The following THEMIS variants were observed in gnomAD, a reference collection of about 807,000 sequenced individuals.
THEMIS encodes the protein thymocyte selection associated.
A neutral mutation model predicts 52.6 loss-of-function variants in THEMIS; 37 were observed. The observed-to-expected ratio is 0.70, with a 90% CI of 0.54 to 0.93. THEMIS has a LOEUF of 0.93. THEMIS is among the 40% of genes least tolerant of loss of function. The pLI is 0.00. For synonymous variants in THEMIS, 292 were observed against 272.7 expected, an observed-to-expected ratio of 1.07 and a Z score of -0.70; for missense variants, 808 against 763.1, an observed-to-expected ratio of 1.06 and a Z score of -0.69.
chr6:127,782,622 C>T (rs1263891414), intron 4 of THEMIS, among the ~76,000 whole-genome samples: 1 of 152,204 alleles, frequency 6.6e-6, no homozygotes, highest in Non-Finnish European at 1.5e-5. Context: ...CCTCCATGGG[C>T]TGCACCCACT....
At chr6:127,854,940 G>A in intron 2 of THEMIS, 90 bp downstream of exon 2, 1 of 1,172,158 alleles carries the variant, frequency 8.5e-7, no homozygotes, top group Non-Finnish European at 1.1e-6. Context: ...GTGAAAAACA[G>A]ACCATTTTTT....
At chr6:127,877,252 T>C (rs917851365) in intron 1 of THEMIS, among the ~76,000 whole-genome samples, 4 of 152,210 alleles carry the variant, frequency 2.6e-5, no homozygotes, top group African/African-American at 9.6e-5. Flanking sequence ...AAAACTTTCT[T>C]ATCAGCAATA....
At chr6:127,785,056 CTACT>C (rs1378778499) in intron 4 of THEMIS, among the ~76,000 whole-genome samples, 6 of 151,290 alleles carry the variant, frequency 4.0e-5, no homozygotes, top group Non-Finnish European at 5.9e-5. Flanking sequence ...ACCTACCTAC[CTACT>C]TATCTATCTA....
chr6:127,712,760 C>A (rs580388), intron 5 of THEMIS, among the ~76,000 whole-genome samples: 55,027 of 151,606 alleles, frequency 0.36, 11,772 homozygotes, highest in Non-Finnish European at 0.5. Context: ...AATAAGTGTC[C>A]TTCAATGGTC....
At chr6:127,699,790 C>T in the THEMIS span, among the ~76,000 whole-genome samples, 66 of 151,894 alleles carry the variant, frequency 4.3e-4, no homozygotes, top group Admixed American at 6.6e-4. Context: ...TACAACCATG[C>T]CTCCTCATAC....
intron 4 of THEMIS, among the ~76,000 whole-genome samples, chr6:127,760,816 A>G (rs375610229): frequency 6.6e-6 from 1 of 152,116 alleles, no homozygotes; most frequent in Non-Finnish European, 1.5e-5. Context: ...TCTTCTAGAC[A>G]TAAATGTAAG....
chr6:127,699,189 T>C, the THEMIS span, among the ~76,000 whole-genome samples: 92 of 151,956 alleles, frequency 6.1e-4, 1 homozygote, highest in East Asian at 0.016. Context: ...AAAGTGCCTA[T>C]GTGATCCACA....
chr6:127,859,089 C>A (rs552483688), intron 1 of THEMIS, among the ~76,000 whole-genome samples: 3 of 152,068 alleles, frequency 2.0e-5, no homozygotes, highest in African/African-American at 4.8e-5. Flanking sequence ...AAGTTAAAAA[C>A]GTGTGACAGT....
chr6:127,858,960 C>T (rs1779708508), intron 1 of THEMIS, among the ~76,000 whole-genome samples: 1 of 152,106 alleles, frequency 6.6e-6, no homozygotes, highest in South Asian at 2.1e-4. Context: ...ATAAAAACGA[C>T]ACATTAATAT....
intron 4 of THEMIS, among the ~76,000 whole-genome samples, chr6:127,767,938 A>G (rs1460067582): frequency 6.6e-6 from 1 of 152,132 alleles, no homozygotes; most frequent in Non-Finnish European, 1.5e-5. Context: ...AGACCACTGT[A>G]TATATGTGGT....
chr6:127,735,191 G>A (rs1360676613), intron 4 of THEMIS, among the ~76,000 whole-genome samples: 1 of 151,942 alleles, frequency 6.6e-6, no homozygotes, highest in Non-Finnish European at 1.5e-5. Context: ...GGAATAGACA[G>A]GGACTAAGGT....
intron 5 of THEMIS, among the ~76,000 whole-genome samples, chr6:127,710,238 A>G (rs1390732755): frequency 6.6e-6 from 1 of 151,870 alleles, no homozygotes; most frequent in African/African-American, 2.4e-5. Flanking sequence ...TGTATGAGGT[A>G]GGAGATAATA....
At chr6:127,788,442 A>C (rs1160782708) in intron 4 of THEMIS, among the ~76,000 whole-genome samples, 1 of 152,246 alleles carries the variant, frequency 6.6e-6, no homozygotes, top group Admixed American at 6.5e-5. Flanking sequence ...CTTATCCCAC[A>C]GGAAAAAATT....
At chr6:127,762,858 A>G (rs1204210715) in intron 4 of THEMIS, among the ~76,000 whole-genome samples, 1 of 152,054 alleles carries the variant, frequency 6.6e-6, no homozygotes, top group Non-Finnish European at 1.5e-5. Context: ...AAGTATTTCT[A>G]GGCTACATAC....
Position 127,709,718 on chromosome 6 carries a change from T to C in THEMIS, c.*267A>G. The C allele has an allele frequency of 3.1e-6, 1 of 318,854 alleles. No homozygotes were observed. Among genetic ancestry groups the C allele is most frequent in the South Asian group, 1.3e-4 (1 of 7,724 alleles). The allele number at this position is 318,854 out of a possible 1,614,324, so 19.8% of individuals were successfully genotyped here. ...TAGTAGAAATAAGAATCTGAAAAAA[T>C]GTGCAAGTTAAATAAATACGTCCTA... On this transcript the variant is annotated 3_prime_UTR_variant, in exon 6 of 6. Coordinates refer to ENST00000368248, the MANE Select transcript of THEMIS (RefSeq NM_001010923.3).
At chr6:127,773,058 C>T (rs1349130247) in intron 4 of THEMIS, among the ~76,000 whole-genome samples, 2 of 152,096 alleles carry the variant, frequency 1.3e-5, no homozygotes, top group Admixed American at 1.3e-4. Flanking sequence ...CCTAAAGCAT[C>T]TAAGTAACTT....
chr6:127,851,988 A>T (rs1410274490), intron 2 of THEMIS, among the ~76,000 whole-genome samples: 1 of 151,614 alleles, frequency 6.6e-6, no homozygotes, highest in East Asian at 1.9e-4. Context: ...AAGCTGAAAA[A>T]TTATAATCAT....
At chr6:127,822,113 G>C (rs1778360831) in intron 3 of THEMIS, among the ~76,000 whole-genome samples, 1 of 151,718 alleles carries the variant, frequency 6.6e-6, no homozygotes, top group South Asian at 2.1e-4. Context: ...TCAAAAGTAT[G>C]AACTTCATCT....
intron 1 of THEMIS, among the ~76,000 whole-genome samples, chr6:127,894,510 T>A (rs1780905260): frequency 6.6e-6 from 1 of 151,796 alleles, no homozygotes; most frequent in South Asian, 2.1e-4. Flanking sequence ...CAGTTAAAAA[T>A]ACTTAGAAAA....
Sources: allele counts gnomAD v4.1 joint callset (sites outside exome capture counted in the v4.1 genomes callset), GRCh38; gene constraint gnomAD v4.1.1; transcripts MANE v1.5; gene names NCBI Gene and HGNC (gene_info 2026-07-23, HGNC 2026-07-21).